The following TUT4 variants were observed in gnomAD, a reference collection of about 807,000 sequenced individuals.
The protein encoded by TUT4 is terminal uridylyltransferase 4.
A neutral mutation model predicts 192.2 loss-of-function variants in TUT4; 36 were observed. The ratio of observed to expected loss-of-function variants is 0.19; its 90% confidence interval spans 0.14 to 0.25. TUT4 has a LOEUF of 0.25. TUT4 is among the 10% of genes least tolerant of loss of function. The pLI is 1.00. For synonymous variants in TUT4, 618 were observed against 666.0 expected (o/e 0.93, Z 1.11); for missense variants, 1,493 against 1,957.2 (o/e 0.76, Z 4.47).
chr1:52,475,355 G>C lies in TUT4; in HGVS notation c.2204C>G (p.Pro735Arg), dbSNP rs1666814286. The C allele has an allele frequency of 6.2e-7, 1 of 1,613,904 alleles. No individual in the cohort carries two copies. Among genetic ancestry groups the C allele is most frequent in the African/African-American group, 1.3e-5 (1 of 74,874 alleles). Residue 735 changes from proline (P) to arginine (R), a missense_variant, in exon 13 of 30, where the codon CCA becomes CGA. Physicochemically the swap from Pro to Arg is moderately radical, Grantham distance 103 (BLOSUM62 -2). Coordinates refer to ENST00000257177, the MANE Select transcript of TUT4 (RefSeq NM_001009881.3). ...GGTTGCCATATTGTTCGACTTGACT[G>C]GTTTCTTATTGCTTATTTTCCCCTT... ...REKGKISNKK[P>R]VKSNNMATNG...
chr1:52,433,687 A>C (rs1652836471), intron 27 of TUT4: 1 of 152,226 alleles, frequency 6.6e-6, no homozygotes, highest in Non-Finnish European at 1.5e-5. Context: ...TTTTGCTGAC[A>C]GAGAGCCTGA....
intron 15 of TUT4, among the ~76,000 whole-genome samples, chr1:52,467,102 G>A (rs1664444061): frequency 1.3e-5 from 2 of 152,082 alleles, no homozygotes; most frequent in Admixed American, 1.3e-4. Flanking sequence ...CTATGATCAT[G>A]CCACTGCACT....
At chr1:52,480,085 G>A (rs1343358978) in intron 11 of TUT4, among the ~76,000 whole-genome samples, 2 of 151,806 alleles carry the variant, frequency 1.3e-5, no homozygotes, top group African/African-American at 4.8e-5. Context: ...GTGGTCAGGA[G>A]AGAGGTCTGG....
intron 26 of TUT4, among the ~76,000 whole-genome samples, chr1:52,435,763 G>A (rs1653548899): frequency 6.6e-6 from 1 of 152,164 alleles, no homozygotes; most frequent in African/African-American, 2.4e-5. Flanking sequence ...AATACTTTCT[G>A]GTTGGGTGCA....
chr1:52,508,427 A>G (rs1412077363), intron 4 of TUT4, among the ~76,000 whole-genome samples: 3 of 151,770 alleles, frequency 2.0e-5, no homozygotes, highest in Non-Finnish European at 4.4e-5. Context: ...AATTATTATC[A>G]CCTAAACTAC....
At chr1:52,483,041 C>T (rs373548090) in intron 9 of TUT4, among the ~76,000 whole-genome samples, 53 of 152,294 alleles carry the variant, frequency 3.5e-4, no homozygotes, top group Middle Eastern at 3.4e-3. Flanking sequence ...GTGTTCACCC[C>T]TTCGAACACT....
intron 1 of TUT4, among the ~76,000 whole-genome samples, chr1:52,538,929 AG>A (rs1426563948): frequency 6.6e-6 from 1 of 152,196 alleles, no homozygotes; most frequent in East Asian, 1.9e-4. Context: ...TAGGGCACCA[AG>A]ACAATTCTCC....
chr1:52,461,415 C>T, intron 18 of TUT4, 98 bp downstream of exon 18: 3 of 1,302,788 alleles, frequency 2.3e-6, no homozygotes, highest in Admixed American at 2.4e-5. Flanking sequence ...ATACTTTTTC[C>T]TTATACTGTT....
At chr1:52,531,749 C>T (rs931308619) in intron 1 of TUT4, among the ~76,000 whole-genome samples, 7 of 152,118 alleles carry the variant, frequency 4.6e-5, no homozygotes, top group African/African-American at 9.7e-5. Context: ...TACTCCTCCA[C>T]CCTCTTACCC....
At chr1:52,542,225 A>G (rs766062209) in intron 1 of TUT4, among the ~76,000 whole-genome samples, 6 of 152,226 alleles carry the variant, frequency 3.9e-5, no homozygotes, top group African/African-American at 1.4e-4. Context: ...TGACGGGTAC[A>G]GAGTTTCAGC....
chr1:52,467,440 C>A (rs1664530487), intron 15 of TUT4, among the ~76,000 whole-genome samples: 1 of 152,064 alleles, frequency 6.6e-6, no homozygotes, highest in Non-Finnish European at 1.5e-5. Flanking sequence ...TTCTCTCATG[C>A]CTCACATTTT....
intron 1 of TUT4, among the ~76,000 whole-genome samples, chr1:52,543,614 G>A (rs1253372075): frequency 6.6e-6 from 1 of 151,686 alleles, no homozygotes; most frequent in African/African-American, 2.4e-5. Flanking sequence ...CTCCTGAGTA[G>A]CTGGGATTAC....
intron 15 of TUT4, among the ~76,000 whole-genome samples, chr1:52,467,069 C>A (rs571042903): frequency 9.9e-5 from 15 of 152,042 alleles, no homozygotes; most frequent in African/African-American, 3.6e-4. Context: ...TGCTTGAGCC[C>A]GGAAGTTTGA....
intron 2 of TUT4, among the ~76,000 whole-genome samples, chr1:52,521,076 G>A (rs1433466490): frequency 1.3e-5 from 2 of 152,190 alleles, no homozygotes; most frequent in East Asian, 3.9e-4. Context: ...TTACAGGCGT[G>A]AGCCACCGTG....
rs534465730 is a variant in TUT4, at chr1:52,476,665, GA to G, written c.2023+1042del. On this transcript the variant is annotated intron_variant, in intron 12 of 29. Coordinates refer to ENST00000257177, the MANE Select transcript of TUT4 (RefSeq NM_001009881.3). ...AAATGAAAGAGGGGGGGAAAAGAAA[GA>G]AAAAAAAAGAGATAAATTATGGCTG... Among the ~76,000 whole-genome samples, 10 of 150,188 alleles carry G rather than the reference GA, an allele frequency of 6.7e-5. No individual in the cohort carries two copies. The South Asian group carries it at 1.3e-3, about 19-fold the overall frequency.
intron 11 of TUT4, among the ~76,000 whole-genome samples, chr1:52,480,690 A>G (rs562724988): frequency 6.6e-6 from 1 of 152,320 alleles, no homozygotes; most frequent in African/African-American, 2.4e-5. Flanking sequence ...GGAAAAGACA[A>G]GAAAGGATGA....
At chr1:52,540,635 T>C (rs1686350134) in intron 1 of TUT4, among the ~76,000 whole-genome samples, 1 of 152,216 alleles carries the variant, frequency 6.6e-6, no homozygotes, top group African/African-American at 2.4e-5. Flanking sequence ...AGTATTTCCA[T>C]TTTATACATT....
intron 24 of TUT4, among the ~76,000 whole-genome samples, chr1:52,443,023 C>T (rs1656150676): frequency 1.3e-5 from 2 of 152,352 alleles, no homozygotes; most frequent in African/African-American, 4.8e-5. Flanking sequence ...GCGGCTCACG[C>T]CTGTAATCCC....
intron 12 of TUT4, among the ~76,000 whole-genome samples, chr1:52,476,527 T>C (rs1667113541): frequency 6.6e-6 from 1 of 152,190 alleles, no homozygotes; most frequent in Non-Finnish European, 1.5e-5. Context: ...TCTTTTGGTA[T>C]TAACAGGCCA....
Sources: gnomAD v4.1 joint callset for allele counts (sites outside exome capture counted in the v4.1 genomes callset) on GRCh38, gnomAD v4.1.1 for gene constraint, MANE v1.5 for transcripts, NCBI Gene and HGNC (gene_info 2026-07-23, HGNC 2026-07-21) for gene names.